TWSG1: variants seen among roughly 807,000 people sequenced by gnomAD.
TWSG1 encodes the protein twisted gastrulation BMP signaling modulator 1.
Under a neutral mutation model 23.0 loss-of-function variants are expected in TWSG1, and 15 were observed. The observed-to-expected ratio is 0.65, with a 90% CI of 0.44 to 1.00. TWSG1 has a LOEUF of 1.00. Among genes scored for constraint, TWSG1 ranks in the 50% least tolerant of loss-of-function variants. The pLI, the probability that TWSG1 is intolerant of heterozygous loss-of-function variation, is 0.00. For missense variants in TWSG1, 242 were observed against 278.7 expected, an observed-to-expected ratio of 0.87 and a Z score of 0.94; for synonymous variants, 86 against 92.8, an observed-to-expected ratio of 0.93 and a Z score of 0.42.
intron 3 of TWSG1, among the ~76,000 whole-genome samples, chr18:9,391,043 T>A (rs1431987359): frequency 6.6e-6 from 1 of 152,174 alleles, no homozygotes; most frequent in African/African-American, 2.4e-5. Context: ...TTGGAGTCAA[T>A]CCTGAAACCC....
chr18:9,371,049 A>C (rs954496834), intron 3 of TWSG1, among the ~76,000 whole-genome samples: 2 of 151,452 alleles, frequency 1.3e-5, no homozygotes, highest in South Asian at 2.1e-4. Context: ...AAAAAAAAAA[A>C]CCCTTTTGTG....
At chr18:9,391,210 A>G (rs769342979) in intron 3 of TWSG1, among the ~76,000 whole-genome samples, 5 of 152,234 alleles carry the variant, frequency 3.3e-5, no homozygotes, top group Non-Finnish European at 7.3e-5. Flanking sequence ...CAAGTTTTAT[A>G]ATGAGATTGC....
chr18:9,359,934 A>G (rs1354475740), intron 2 of TWSG1, 38 bp from the exon 3 acceptor site: 2 of 1,551,476 alleles, frequency 1.3e-6, no homozygotes, highest in East Asian at 4.5e-5. Flanking sequence ...ATATATGATT[A>G]TTTGGAATTT....
intron 3 of TWSG1, among the ~76,000 whole-genome samples, chr18:9,368,826 T>C (rs1003710556): frequency 4.6e-5 from 7 of 152,202 alleles, no homozygotes; most frequent in Non-Finnish European, 1.0e-4. Context: ...CACACACCTG[T>C]AATCCCAGCT....
At chr18:9,372,442 T>G (rs142481040) in intron 3 of TWSG1, among the ~76,000 whole-genome samples, 4 of 149,644 alleles carry the variant, frequency 2.7e-5, no homozygotes, top group African/African-American at 4.9e-5. Context: ...TCAAAATATC[T>G]TAATAATTTC....
chr18:9,390,597 TGGCA>T (rs2040707976), intron 3 of TWSG1, among the ~76,000 whole-genome samples: 1 of 152,218 alleles, frequency 6.6e-6, no homozygotes, highest in Admixed American at 6.5e-5. Flanking sequence ...TCACACTGGC[TGGCA>T]GTTTCTTAAA....
intron 3 of TWSG1, 26 bp downstream of exon 3, chr18:9,360,097 T>C: frequency 1.3e-6 from 2 of 1,560,530 alleles, no homozygotes; most frequent in Admixed American, 1.7e-5. Context: ...GGGAGACTTC[T>C]TAATATTTCT....
At chr18:9,368,359 C>T (rs138128789) in intron 3 of TWSG1, among the ~76,000 whole-genome samples, 1 of 152,270 alleles carries the variant, frequency 6.6e-6, no homozygotes, top group Non-Finnish European at 1.5e-5. Flanking sequence ...TGCCACCATG[C>T]CTGGCTAATT....
At chr18:9,377,495 G>A (rs1002030370) in intron 3 of TWSG1, among the ~76,000 whole-genome samples, 46 of 150,520 alleles carry the variant, frequency 3.1e-4, no homozygotes, top group East Asian at 1.2e-3. Flanking sequence ...CTGGGATTAC[G>A]GGCATGAGCC....
intron 2 of TWSG1, among the ~76,000 whole-genome samples, chr18:9,343,813 GA>G (rs1568030840): frequency 6.6e-6 from 1 of 152,144 alleles, no homozygotes; most frequent in Non-Finnish European, 1.5e-5. Flanking sequence ...TTGGTTGGAG[GA>G]TATTTGAGTT....
intron 2 of TWSG1, among the ~76,000 whole-genome samples, chr18:9,341,428 C>A (rs974442257): frequency 2.6e-5 from 4 of 152,120 alleles, no homozygotes; most frequent in African/African-American, 7.2e-5. Context: ...ATCTAATTCT[C>A]CCTACTCATT....
In TWSG1 at chr18:9,399,683, T is replaced by C; in HGVS notation, c.*156T>C. The C allele has an allele frequency of 3.1e-6, 2 of 641,630 alleles. No individual in the cohort carries two copies. The highest frequency in any genetic ancestry group is 5.1e-6 in the Non-Finnish European group (2 of 390,056). 39.7% of individuals were successfully genotyped at this position (641,630 alleles called of 1,614,324 possible). On this transcript the variant is annotated 3_prime_UTR_variant, in exon 5 of 5. Transcript: ENST00000262120. ...TTTAAAAATATGACATAGCCAGTGA[T>C]GTGTTTAATTATATAACTGTTCTTA...
intron 3 of TWSG1, among the ~76,000 whole-genome samples, chr18:9,371,675 T>G (rs563190454): frequency 2.6e-4 from 40 of 152,328 alleles, no homozygotes; most frequent in African/African-American, 8.9e-4. Flanking sequence ...TTCCTATATA[T>G]TCTCTGCCTT....
chr18:9,384,385 A>G (rs2040672622), intron 3 of TWSG1, among the ~76,000 whole-genome samples: 1 of 152,200 alleles, frequency 6.6e-6, no homozygotes, highest in African/African-American at 2.4e-5. Flanking sequence ...TCTGGAAGAA[A>G]TGGATCAATG....
chr18:9,350,990 G>A (rs2040499416), intron 2 of TWSG1, among the ~76,000 whole-genome samples: 1 of 151,810 alleles, frequency 6.6e-6, no homozygotes, highest in African/African-American at 2.4e-5. Context: ...GTCAGCATAG[G>A]TATAATATAA....
At chr18:9,377,945 T>A in intron 3 of TWSG1, among the ~76,000 whole-genome samples, 1 of 151,698 alleles carries the variant, frequency 6.6e-6, no homozygotes, top group East Asian at 2.0e-4. Flanking sequence ...TCTTGAACTC[T>A]TAAGCTCAAG....
intron 3 of TWSG1, among the ~76,000 whole-genome samples, chr18:9,360,495 C>T (rs770249156): frequency 2.0e-5 from 3 of 152,120 alleles, no homozygotes; most frequent in East Asian, 1.9e-4. Flanking sequence ...AGAAAACTTA[C>T]GTGTGTAGGA....
rs1598825548 is a variant in TWSG1, at chr18:9,360,130, A to G, written c.223+59A>G. 6.6e-6 allele frequency: 9 copies of G among 1,363,092 alleles called. No homozygotes were observed. In the East Asian group the frequency reaches 1.6e-4, roughly 25 times the overall value. The allele number at this position is 1,363,092 out of a possible 1,614,324, so 84.4% of individuals were successfully genotyped here. On this transcript the variant is annotated intron_variant, in intron 3 of 4. Transcript: ENST00000262120. ...TCTTATCACAGAATCCTTGGCTTTA[A>G]GAGACTTTAAGGAATATAAATGTAG...
At chr18:9,395,530 G>C (rs999055741) in intron 3 of TWSG1, among the ~76,000 whole-genome samples, 4 of 152,048 alleles carry the variant, frequency 2.6e-5, no homozygotes, top group African/African-American at 9.7e-5. Context: ...TTATATATAA[G>C]AACTTATTGA....
Sources: allele counts gnomAD v4.1 joint callset (sites outside exome capture counted in the v4.1 genomes callset), GRCh38; gene constraint gnomAD v4.1.1; transcripts MANE v1.5; gene names NCBI Gene and HGNC (gene_info 2026-07-23, HGNC 2026-07-21).